P4HA2: variants seen among roughly 807,000 people sequenced by gnomAD.
P4HA2 encodes prolyl 4-hydroxylase subunit alpha 2.
P4HA2 carries 46 observed loss-of-function variants against 76.9 expected under a neutral mutation model. That is an observed-to-expected ratio of 0.60 (90% confidence interval 0.47 to 0.76). The LOEUF (loss-of-function observed/expected upper bound fraction) is 0.76, where lower values mean the gene tolerates loss of function less well. Ranked by LOEUF, P4HA2 falls within the 30% of genes least tolerant of loss-of-function variation. The pLI, the probability that P4HA2 is intolerant of heterozygous loss-of-function variation, is 0.00. For missense variants in P4HA2, 583 were observed against 669.4 expected (o/e 0.87, Z 1.42); for synonymous variants, 243 against 254.0 (o/e 0.96, Z 0.41).
chr5:132,203,095 A>G (rs1010417513), intron 10 of P4HA2, among the ~76,000 whole-genome samples: 6 of 152,214 alleles, frequency 3.9e-5, no homozygotes, highest in Admixed American at 2.0e-4. Context: ...TAAACCCTCA[A>G]ATAAACTCCA....
At chr5:132,218,090 T>C (rs996158197) in intron 2 of P4HA2, among the ~76,000 whole-genome samples, 1 of 152,182 alleles carries the variant, frequency 6.6e-6, no homozygotes, top group African/African-American at 2.4e-5. Flanking sequence ...GCACTGGATG[T>C]CACTCAAGAA....
chr5:132,221,585 T>A (rs940384397), intron 1 of P4HA2, among the ~76,000 whole-genome samples: 12 of 152,300 alleles, frequency 7.9e-5, no homozygotes, highest in African/African-American at 2.9e-4. Flanking sequence ...AATTCCATTT[T>A]TGTAAGGAAA....
intron 1 of P4HA2, among the ~76,000 whole-genome samples, chr5:132,221,336 T>G (rs1754628311): frequency 6.6e-6 from 1 of 152,230 alleles, no homozygotes; most frequent in African/African-American, 2.4e-5. Context: ...ATACTGAGTT[T>G]TATCTGTGCT....
intron 1 of P4HA2, chr5:132,222,232 C>T (rs1351439401): frequency 6.6e-6 from 1 of 152,382 alleles, no homozygotes; most frequent in Non-Finnish European, 1.5e-5. Flanking sequence ...ACACGGCTCC[C>T]CGCTGCCTCC....
intron 14 of P4HA2, 43 bp from the exon 15 acceptor site, chr5:132,193,123 T>C: frequency 7.1e-7 from 1 of 1,403,860 alleles, no homozygotes. Context: ...ATTGGTCAGT[T>C]TAGTAGCCTG....
At chr5:132,213,485 G>T (rs1753382922) in intron 5 of P4HA2, among the ~76,000 whole-genome samples, 1 of 152,208 alleles carries the variant, frequency 6.6e-6, no homozygotes, top group Non-Finnish European at 1.5e-5. Context: ...CTCAAGGGTA[G>T]AACCCAGAGA....
intron 4 of P4HA2, among the ~76,000 whole-genome samples, chr5:132,214,581 C>T (rs1367140673): frequency 6.6e-6 from 1 of 152,148 alleles, no homozygotes; most frequent in Non-Finnish European, 1.5e-5. Flanking sequence ...GAGCTGGCCA[C>T]TCATTACTGA....
rs156031 is a variant in P4HA2 at position 132,190,497 on chromosome 5, A to G, written c.*2513T>C. ...TTATATATTAAGCCCCTGAGATTTA[A>G]GGATTATTACTACAGAAAAAGCCCA... On this transcript the variant is annotated 3_prime_UTR_variant, in exon 15 of 15. Coordinates refer to ENST00000360568, the MANE Select transcript of P4HA2 (RefSeq NM_001017974.2). Among the ~76,000 whole-genome samples the G allele has an allele frequency of 0.82, 124,421 of 152,162 alleles. 51,689 individuals carry two copies. Among genetic ancestry groups the G allele is most frequent in the African/African-American group, 0.96 (39,794 of 41,530 alleles).
At chr5:132,206,177 A>G (rs955446143) in intron 8 of P4HA2, among the ~76,000 whole-genome samples, 2 of 152,194 alleles carry the variant, frequency 1.3e-5, no homozygotes, top group Non-Finnish European at 2.9e-5. Flanking sequence ...ATATGCACAC[A>G]TGCACAGAGA....
chr5:132,207,667 C>G (rs988338985), intron 8 of P4HA2, 41 bp downstream of exon 8: 1 of 1,567,614 alleles, frequency 6.4e-7, no homozygotes. Flanking sequence ...AAAGGACCTT[C>G]CCCCTTCAGT....
In P4HA2 at chr5:132,198,309, C is replaced by A; in HGVS notation, c.1365+12G>T. The A allele has an allele frequency of 3.7e-6, 6 of 1,614,192 alleles. No individual in the cohort carries two copies. The highest frequency in any genetic ancestry group is 5.1e-6 in the Non-Finnish European group (6 of 1,180,036). On this transcript the variant is annotated intron_variant, in intron 12 of 14. Transcript: ENST00000360568. ...GTGAGAATGAACAGGTGGGCCTGGA[C>A]CCAGTACTTACGTAGTTAAGAAACG...
At chr5:132,198,461 G>T in intron 11 of P4HA2, 81 bp from the exon 12 acceptor site, 1 of 1,291,566 alleles carries the variant, frequency 7.7e-7, no homozygotes, top group Non-Finnish European at 1.1e-6. Flanking sequence ...AAGGGTCAGG[G>T]AAAAGTAATA....
chr5:132,210,304 G>A lies in P4HA2; in HGVS notation c.689C>T (p.Thr230Ile). ...LGDLHRALELTRRLLSLDPSH... is the reference protein window; with the variant it reads ...LGDLHRALELIRRLLSLDPSH... The stretch of plus-strand genomic sequence containing the variant: ...CTTACCAAGGGAGAGCAGGCGGCGG[G>A]TGAGCTCCAGGGCACGGTGCAGATC... The change falls in exon 6 of 15, where the codon ACC becomes ATC. Residue 230 changes from threonine (T) to isoleucine (I), a missense_variant. Transcript: ENST00000360568. The A allele has an allele frequency of 1.2e-6, 2 of 1,614,150 alleles. No homozygotes were observed. Among genetic ancestry groups the A allele is most frequent in the Non-Finnish European group, 1.7e-6 (2 of 1,180,040 alleles).
chr5:132,199,041 A>C, intron 10 of P4HA2, 109 bp from the exon 11 acceptor site: 1 of 750,742 alleles, frequency 1.3e-6, no homozygotes, highest in Non-Finnish European at 2.4e-6. Context: ...CAGAACTCCC[A>C]AGAGCAGCCT....
intron 14 of P4HA2, 182 bp from the exon 15 acceptor site, chr5:132,193,262 G>A (rs1580630577): frequency 1.8e-6 from 1 of 556,632 alleles, no homozygotes. Context: ...ACAGATAATT[G>A]TATGAAATTC....
At position 132,207,869 on chromosome 5, in the gene P4HA2, T is replaced by C; in HGVS notation, c.919A>G (p.Lys307Glu). The change falls in exon 8 of 15, where the codon AAG becomes GAG. Residue 307 changes from lysine (K) to glutamate (E), a missense_variant. Lys to Glu is a moderately conservative substitution (Grantham distance 56, BLOSUM62 1). Transcript: ENST00000360568. ...TGGTGGTACCTACAGAAAAGCCTCTTCTGTCTACGGGGTGTCTGGAAAGCA... is the reference window on the plus strand; with the variant it reads ...TGGTGGTACCTACAGAAAAGCCTCTCCTGTCTACGGGGTGTCTGGAAAGCA... Reference protein sequence around the residue: ...EGVKLTPRRQKRLFCRYHHGN... With the variant: ...EGVKLTPRRQERLFCRYHHGN... 6.3e-7 allele frequency: 1 copy of C among 1,584,984 alleles called. No homozygotes were observed. Among genetic ancestry groups the C allele is most frequent in the Non-Finnish European group, 8.6e-7 (1 of 1,166,314 alleles).
intron 6 of P4HA2, among the ~76,000 whole-genome samples, chr5:132,209,869 A>G (rs1752826386): frequency 6.6e-6 from 1 of 151,934 alleles, no homozygotes; most frequent in Non-Finnish European, 1.5e-5. Flanking sequence ...TCAATGCCAT[A>G]TGAAGTCCTA....
chr5:132,222,708 C>T (rs752029116), intron 1 of P4HA2, among the ~76,000 whole-genome samples: 3 of 152,212 alleles, frequency 2.0e-5, no homozygotes, highest in Non-Finnish European at 4.4e-5. Flanking sequence ...TTCTCCTTCA[C>T]GAAGAACCTA....
chr5:132,207,742 T>C lies in P4HA2; in HGVS notation c.1046A>G (p.Glu349Gly), dbSNP rs201157235. 6.2e-7 allele frequency: 1 copy of C among 1,613,998 alleles called. No homozygotes were observed. The highest frequency in any genetic ancestry group is 1.7e-5 in the Admixed American group (1 of 60,006). ...VRYYDVMSDE[E>G]IERIKEIAKP... ...TGCGATCTCCTTGATCCTCTCGATTTCCTCATCAGACATGACATCGTAGTA... is the reference window on the plus strand; with the variant it reads ...TGCGATCTCCTTGATCCTCTCGATTCCCTCATCAGACATGACATCGTAGTA... Residue 349 changes from glutamate (E) to glycine (G), a missense_variant, in exon 8 of 15, where the codon GAA becomes GGA. Physicochemically the swap from Glu to Gly is moderately conservative, Grantham distance 98 (BLOSUM62 -2). Transcript: ENST00000360568.
Sources: gnomAD v4.1 joint callset for allele counts (sites outside exome capture counted in the v4.1 genomes callset) on GRCh38, gnomAD v4.1.1 for gene constraint, MANE v1.5 for transcripts, NCBI Gene and HGNC (gene_info 2026-07-23, HGNC 2026-07-21) for gene names.